The following KCND3 variants were observed in gnomAD, a reference collection of about 807,000 sequenced individuals.
The protein encoded by KCND3 is potassium voltage-gated channel subfamily D member 3.
Under a neutral mutation model 51.1 loss-of-function variants are expected in KCND3, and 9 were observed. That is an observed-to-expected ratio of 0.18 (90% confidence interval 0.11 to 0.31). The LOEUF (loss-of-function observed/expected upper bound fraction) is 0.31. Among genes scored for constraint, KCND3 ranks in the 10% least tolerant of loss-of-function variants. The probability of loss-of-function intolerance (pLI) is 1.00; values close to 1 mark genes in which losing one functional copy is unlikely to be tolerated. For missense variants in KCND3, 526 were observed against 903.8 expected (o/e 0.58, Z 5.36); for synonymous variants, 349 against 368.0 (o/e 0.95, Z 0.59).
intron 1 of KCND3, among the ~76,000 whole-genome samples, chr1:111,987,301 G>A (rs539864296): frequency 6.6e-6 from 1 of 152,228 alleles, no homozygotes; most frequent in South Asian, 2.1e-4. Context: ...GAGCTCAGGG[G>A]AAGGAAAAAT....
At chr1:111,865,645 TG>T (rs1668523452) in intron 2 of KCND3, among the ~76,000 whole-genome samples, 2 of 152,244 alleles carry the variant, frequency 1.3e-5, no homozygotes, top group Admixed American at 1.3e-4. Context: ...CCAGTTATAT[TG>T]CTATTGTTCA....
At chr1:111,821,999 A>G (rs777481809) in intron 2 of KCND3, among the ~76,000 whole-genome samples, 33 of 151,934 alleles carry the variant, frequency 2.2e-4, no homozygotes, top group Non-Finnish European at 3.7e-4. Context: ...TTTCCCCTTA[A>G]GGATTGGTCT....
At chr1:111,793,943 A>G (rs1664950105) in intron 2 of KCND3, among the ~76,000 whole-genome samples, 1 of 152,206 alleles carries the variant, frequency 6.6e-6, no homozygotes, top group African/African-American at 2.4e-5. Context: ...TAGGGATAGT[A>G]AGGGACGAGA....
chr1:111,963,443 T>C (rs573813553), intron 2 of KCND3, among the ~76,000 whole-genome samples: 1 of 152,324 alleles, frequency 6.6e-6, no homozygotes, highest in African/African-American at 2.4e-5. Context: ...TTACTTAATC[T>C]CTCTGTTCCT....
At chr1:111,834,363 AC>A (rs1219249495) in intron 2 of KCND3, among the ~76,000 whole-genome samples, 1 of 152,198 alleles carries the variant, frequency 6.6e-6, no homozygotes, top group Admixed American at 6.5e-5. Flanking sequence ...GAAAAACAAA[AC>A]ACAAGAGCTT....
At chr1:111,924,504 C>T (rs9429422) in intron 2 of KCND3, among the ~76,000 whole-genome samples, 39,993 of 152,136 alleles carry the variant, frequency 0.26, 5,487 homozygotes, top group East Asian at 0.47. Context: ...GGAGACCAAG[C>T]CACAGGCTGC....
intron 2 of KCND3, among the ~76,000 whole-genome samples, chr1:111,827,466 A>G (rs11102340): frequency 0.54 from 81,282 of 151,696 alleles, 24,295 homozygotes; most frequent in Non-Finnish European, 0.66. Flanking sequence ...CACTAAGCAG[A>G]CAGAATTTTG....
chr1:111,863,426 G>A (rs1239856666), intron 2 of KCND3, among the ~76,000 whole-genome samples: 1 of 152,198 alleles, frequency 6.6e-6, no homozygotes, highest in Non-Finnish European at 1.5e-5. Context: ...ATGAGAAGCA[G>A]GAAGCCCTCA....
chr1:111,903,341 C>T (rs981967481), intron 2 of KCND3, among the ~76,000 whole-genome samples: 2 of 152,194 alleles, frequency 1.3e-5, no homozygotes, highest in African/African-American at 2.4e-5. Flanking sequence ...ACATTCAACA[C>T]GGATGTAGTG....
At chr1:111,790,510 C>G (rs1442868718) in intron 2 of KCND3, among the ~76,000 whole-genome samples, 1 of 152,164 alleles carries the variant, frequency 6.6e-6, no homozygotes, top group African/African-American at 2.4e-5. Flanking sequence ...CAAAATAGGG[C>G]ATCTCACCCA....
At chr1:111,784,522 C>T (rs1538389) in intron 3 of KCND3, among the ~76,000 whole-genome samples, 26,009 of 152,096 alleles carry the variant, frequency 0.17, 2,309 homozygotes, top group Admixed American at 0.22. Flanking sequence ...CCAAGCAAAC[C>T]AGTCATGGGA....
At chr1:111,902,901 T>C (rs1670457517) in intron 2 of KCND3, among the ~76,000 whole-genome samples, 1 of 152,140 alleles carries the variant, frequency 6.6e-6, no homozygotes, top group Non-Finnish European at 1.5e-5. Flanking sequence ...AGTAGCAGAG[T>C]GCTTTGCTCA....
chr1:111,905,005 C>A (rs1306966207), intron 2 of KCND3, among the ~76,000 whole-genome samples: 2 of 152,210 alleles, frequency 1.3e-5, no homozygotes, highest in East Asian at 3.9e-4. Flanking sequence ...GTTATTCACG[C>A]CGGAAGTCCA....
intron 2 of KCND3, among the ~76,000 whole-genome samples, chr1:111,817,385 C>T (rs1666146225): frequency 6.6e-6 from 1 of 152,120 alleles, no homozygotes. Context: ...TAAAAATGTC[C>T]AAGACCAAAA....
chr1:111,925,992 T>G (rs1671679401), intron 2 of KCND3, among the ~76,000 whole-genome samples: 1 of 152,182 alleles, frequency 6.6e-6, no homozygotes, highest in Admixed American at 6.5e-5. Context: ...TCATTTCCAT[T>G]TATATGCCTA....
intron 2 of KCND3, among the ~76,000 whole-genome samples, chr1:111,848,790 A>C (rs1156830408): frequency 1.3e-5 from 2 of 152,228 alleles, no homozygotes; most frequent in Non-Finnish European, 2.9e-5. Context: ...CTGACGTTGT[A>C]GGGCGTGGAG....
chr1:111,875,056 T>G (rs938973105), intron 2 of KCND3, among the ~76,000 whole-genome samples: 3 of 152,172 alleles, frequency 2.0e-5, no homozygotes, highest in Non-Finnish European at 2.9e-5. Flanking sequence ...AGGAGACGCT[T>G]TGGTTCCAGA....
chr1:111,798,524 G>A (rs1665158553), intron 2 of KCND3, among the ~76,000 whole-genome samples: 1 of 151,914 alleles, frequency 6.6e-6, no homozygotes, highest in Non-Finnish European at 1.5e-5. Flanking sequence ...CTGGATCCCT[G>A]GTGCCTGACA....
chr1:111,807,060 A>G (rs1246707753), intron 2 of KCND3, among the ~76,000 whole-genome samples: 1 of 152,266 alleles, frequency 6.6e-6, no homozygotes, highest in African/African-American at 2.4e-5. Context: ...CTCTGGAGGA[A>G]GAATACTGAT....
Sources: gnomAD v4.1 joint callset for allele counts (sites outside exome capture counted in the v4.1 genomes callset) on GRCh38, gnomAD v4.1.1 for gene constraint, MANE v1.5 for transcripts, NCBI Gene and HGNC (gene_info 2026-07-23, HGNC 2026-07-21) for gene names.